BICD1: variants seen among roughly 807,000 people sequenced by gnomAD.
BICD1 encodes the protein BICD cargo adaptor 1.
In BICD1, 35 loss-of-function variants were observed where a neutral mutation model predicts 92.5. The observed-to-expected ratio is 0.38, with a 90% CI of 0.29 to 0.50. The LOEUF (loss-of-function observed/expected upper bound fraction) is 0.50. BICD1 is among the 20% of genes least tolerant of loss of function. The probability of loss-of-function intolerance (pLI) is 0.93; values close to 1 mark genes in which losing one functional copy is unlikely to be tolerated. For missense variants in BICD1, 950 were observed against 1,189.8 expected, an observed-to-expected ratio of 0.80 and a Z score of 2.97; for synonymous variants, 429 against 465.1, an observed-to-expected ratio of 0.92 and a Z score of 1.00.
rs1164857152 is a variant in BICD1, at chr12:32,216,292, G to A, written c.259G>A (p.Gly87Arg). The A allele has an allele frequency of 6.2e-7, 1 of 1,613,946 alleles. No individual in the cohort carries two copies. Among genetic ancestry groups the A allele is most frequent in the African/African-American group, 1.3e-5 (1 of 74,890 alleles). ...CATCCACCGGAAGGTTGCTGAAGAT[G>A]GAGAGACTCGGGAGGAAACGCTTCT... ...FSIHRKVAED[G>R]ETREETLLQE... The change falls in exon 2 of 10, where the codon GGA becomes AGA. Residue 87 changes from glycine (G) to arginine (R), a missense_variant. Physicochemically the swap from Gly to Arg is moderately radical, Grantham distance 125. Transcript: ENST00000652176.
intron 1 of BICD1, among the ~76,000 whole-genome samples, chr12:32,148,977 G>A (rs1013833375): frequency 2.0e-5 from 3 of 150,006 alleles, no homozygotes; most frequent in South Asian, 2.1e-4. Context: ...CCGAGATCAC[G>A]TCACTGTACT....
rs529727193 is a variant in BICD1, at chr12:32,377,540, T to C, written c.2841T>C (p.Ser947=). ...LAGRQDCPTV[S]PDTALPEEQP... ...TGACGTGCTTGTTTCTCCTTTCCAG[T>C]CCTGACACAGCTCTCCCTGAGGAGC... is the stretch of plus-strand genomic sequence containing the variant. The change falls in exon 10 of 10, where the codon AGT becomes AGC. Residue 947 remains serine (S), a splice_region_variant and synonymous_variant. Transcript: ENST00000652176. 3 of 1,613,902 alleles carry C rather than the reference T, an allele frequency of 1.9e-6. No homozygotes were observed.
intron 2 of BICD1, among the ~76,000 whole-genome samples, chr12:32,292,375 A>G (rs950637887): frequency 6.6e-6 from 1 of 152,092 alleles, no homozygotes; most frequent in Non-Finnish European, 1.5e-5. Flanking sequence ...TCCCCTTTTT[A>G]TAAAGACAGC....
At chr12:32,150,794 A>C (rs1943265682) in intron 1 of BICD1, among the ~76,000 whole-genome samples, 1 of 152,226 alleles carries the variant, frequency 6.6e-6, no homozygotes, top group South Asian at 2.1e-4. Flanking sequence ...AAAAAATAAC[A>C]TAAGAATCTG....
At chr12:32,138,381 A>G (rs896322805) in intron 1 of BICD1, among the ~76,000 whole-genome samples, 1 of 152,176 alleles carries the variant, frequency 6.6e-6, no homozygotes, top group Non-Finnish European at 1.5e-5. Context: ...AGACTCACCA[A>G]GCTGTGCATT....
chr12:32,365,339 C>A (rs772817713), intron 8 of BICD1, among the ~76,000 whole-genome samples: 4 of 152,188 alleles, frequency 2.6e-5, no homozygotes, highest in Non-Finnish European at 5.9e-5. Flanking sequence ...ATGTCTACCA[C>A]CTCTCTAGCA....
rs1430012501 is a variant in BICD1 at position 32,313,018 on chromosome 12, G to GT, written c.1005+6897dup. ...ACTAAATTACTTAATCAATTTAAAG[G>GT]TGTCCTGTATGCTTGTGCTGAAATT... On this transcript the variant is annotated intron_variant, in intron 4 of 9. Coordinates refer to ENST00000652176, the MANE Select transcript of BICD1 (RefSeq NM_001714.4). The surrounding 1 kb of genome is among the most constrained non-coding windows in gnomAD (Gnocchi z 4.2). Among the ~76,000 whole-genome samples, 3 of 152,042 alleles carry GT rather than the reference G, an allele frequency of 2.0e-5. No homozygotes were observed. Among genetic ancestry groups the GT allele is most frequent in the Non-Finnish European group, 4.4e-5 (3 of 68,010 alleles).
rs1592742299 is a variant in BICD1, at chr12:32,382,058, G to C, written c.*4431G>C. On this transcript the variant is annotated 3_prime_UTR_variant, in exon 10 of 10. Coordinates refer to ENST00000652176, the MANE Select transcript of BICD1 (RefSeq NM_001714.4). ...ACTACAAGATCAATCTAGCTCCCGA[G>C]TGACATTTTCCATTGTCTGTAATAA... 2 of 152,050 alleles carry C rather than the reference G, an allele frequency of 1.3e-5. No homozygotes were observed. The highest frequency in any genetic ancestry group is 4.8e-5 in the African/African-American group (2 of 41,430). 9.4% of individuals were successfully genotyped at this position (152,050 alleles called of 1,614,324 possible). A position where few individuals can be genotyped will look rare whatever the true frequency, so the allele number is the denominator to read the frequency against.
At chr12:32,274,437 T>C (rs1028097701) in intron 2 of BICD1, among the ~76,000 whole-genome samples, 3 of 152,218 alleles carry the variant, frequency 2.0e-5, no homozygotes, top group African/African-American at 7.2e-5. Flanking sequence ...TTTCTACTTA[T>C]GAAAGTTATT....
intron 4 of BICD1, among the ~76,000 whole-genome samples, chr12:32,326,364 G>A (rs1482102170): frequency 6.6e-6 from 1 of 152,002 alleles, no homozygotes; most frequent in Non-Finnish European, 1.5e-5. Context: ...AGAGAAAATG[G>A]TTTAAAATTT....
At chr12:32,246,456 A>G (rs751172561) in intron 2 of BICD1, among the ~76,000 whole-genome samples, 2 of 152,006 alleles carry the variant, frequency 1.3e-5, no homozygotes, top group Non-Finnish European at 2.9e-5. Context: ...TGGACAACAT[A>G]GTAGGACTCC....
At chr12:32,114,343 G>T (rs1349380436) in intron 1 of BICD1, among the ~76,000 whole-genome samples, 2 of 151,994 alleles carry the variant, frequency 1.3e-5, no homozygotes, top group African/African-American at 2.4e-5. Context: ...TCTTTGCTGG[G>T]GAAGCGTACA....
At chr12:32,289,271 T>C (rs1432870280) in intron 2 of BICD1, among the ~76,000 whole-genome samples, 1 of 152,242 alleles carries the variant, frequency 6.6e-6, no homozygotes, top group Non-Finnish European at 1.5e-5. Flanking sequence ...TGTATGTAAA[T>C]TGTATTTTAT....
At chr12:32,201,947 A>C (rs1181112402) in intron 1 of BICD1, among the ~76,000 whole-genome samples, 1 of 152,184 alleles carries the variant, frequency 6.6e-6, no homozygotes, top group Non-Finnish European at 1.5e-5. Context: ...CCGTATGCTG[A>C]TTTTTAAAGT....
In BICD1 at chr12:32,216,406, A is replaced by G; in HGVS notation, c.373A>G (p.Asn125Asp). The G allele has an allele frequency of 6.2e-7, 1 of 1,614,188 alleles. No homozygotes were observed. Among genetic ancestry groups the G allele is most frequent in the South Asian group, 1.1e-5 (1 of 91,082 alleles). Residue 125 changes from asparagine to aspartate, a missense_variant, in exon 2 of 10, where the codon AAT (asparagine) becomes GAT (aspartate). Coordinates refer to ENST00000652176, the MANE Select transcript of BICD1 (RefSeq NM_001714.4). ...GAAACAGAGCCGGGCTGTGGTCACT[A>G]ATGTACAGGCAGAAAACGAGAGGCT... ...ELKQSRAVVTNVQAENERLTA... is the reference protein window; with the variant it reads ...ELKQSRAVVTDVQAENERLTA...
chr12:32,184,041 C>T (rs977465245), intron 1 of BICD1, among the ~76,000 whole-genome samples: 3 of 152,198 alleles, frequency 2.0e-5, no homozygotes, highest in African/African-American at 7.2e-5. Context: ...CTTTGAAAGC[C>T]TCTCAAACAT....
At chr12:32,194,108 C>T (rs185881461) in intron 1 of BICD1, among the ~76,000 whole-genome samples, 1 of 152,288 alleles carries the variant, frequency 6.6e-6, no homozygotes. Flanking sequence ...ATCACATGAT[C>T]ATCTCAATAG....
chr12:32,347,750 A>G (rs530771238), intron 8 of BICD1, among the ~76,000 whole-genome samples: 1 of 152,318 alleles, frequency 6.6e-6, no homozygotes, highest in East Asian at 1.9e-4. Flanking sequence ...ATATCCTAAC[A>G]AAACATATTC....
intron 1 of BICD1, 140 bp downstream of exon 1, chr12:32,107,684 A>G (rs1486495762): frequency 2.1e-6 from 2 of 947,252 alleles, no homozygotes; most frequent in East Asian, 2.6e-5. Flanking sequence ...GTAAGAGAAG[A>G]TTGAAAGAGT....
Sources: allele counts gnomAD v4.1 joint callset (sites outside exome capture counted in the v4.1 genomes callset), GRCh38; gene constraint gnomAD v4.1.1; non-coding constraint Gnocchi (gnomAD v3.1); transcripts MANE v1.5; gene names NCBI Gene and HGNC (gene_info 2026-07-23, HGNC 2026-07-21).